ULK4: variants seen among roughly 807,000 people sequenced by gnomAD.
The protein encoded by ULK4 is inactive serine/threonine-protein kinase ULK4.
A neutral mutation model predicts 160.6 loss-of-function variants in ULK4; 133 were observed. The observed-to-expected ratio is 0.83, with a 90% CI of 0.72 to 0.96. The LOEUF (loss-of-function observed/expected upper bound fraction) is 0.96. Among genes scored for constraint, ULK4 ranks in the 40% least tolerant of loss-of-function variants. The pLI, the probability that ULK4 is intolerant of heterozygous loss-of-function variation, is 0.00. For missense variants in ULK4, 1,580 were observed against 1,499.5 expected, an observed-to-expected ratio of 1.05 and a Z score of -0.89; for synonymous variants, 534 against 539.8, an observed-to-expected ratio of 0.99 and a Z score of 0.15.
At chr3:41,247,016 A>G in intron 36 of ULK4, 24 bp from the exon 37 acceptor site, 1 of 1,611,278 alleles carries the variant, frequency 6.2e-7, no homozygotes. Context: ...CAAAGTAGGT[A>G]CACTTAATAG....
chr3:41,786,050 A>C (rs537882153), intron 21 of ULK4, among the ~76,000 whole-genome samples: 2 of 152,116 alleles, frequency 1.3e-5, no homozygotes, highest in East Asian at 3.9e-4. Flanking sequence ...CTGTTCTCCA[A>C]CCTAACCTAG....
intron 16 of ULK4, among the ~76,000 whole-genome samples, chr3:41,894,726 T>C (rs1376195321): frequency 6.6e-6 from 1 of 152,216 alleles, no homozygotes; most frequent in Non-Finnish European, 1.5e-5. Context: ...ATTAAAGTAC[T>C]TGGCCCAGAA....
intron 31 of ULK4, among the ~76,000 whole-genome samples, chr3:41,593,360 T>C (rs2031479315): frequency 1.3e-5 from 2 of 152,296 alleles, no homozygotes; most frequent in South Asian, 4.1e-4. Context: ...CAGGCAAGTT[T>C]CTACATTGTA....
intron 19 of ULK4, among the ~76,000 whole-genome samples, chr3:41,809,180 A>C (rs897757947): frequency 6.8e-6 from 1 of 147,238 alleles, no homozygotes; most frequent in Non-Finnish European, 1.5e-5. Context: ...AAAAAACAAA[A>C]AAAAAAACAA....
intron 35 of ULK4, among the ~76,000 whole-genome samples, chr3:41,300,837 TTATATATA>T (rs66602936): frequency 0.013 from 755 of 57,802 alleles, 27 homozygotes; most frequent in Admixed American, 0.058. Flanking sequence ...ATTTTACAGA[TTATATATA>T]TATATATATA....
intron 35 of ULK4, among the ~76,000 whole-genome samples, chr3:41,291,330 GAGAA>G (rs1343327909): frequency 6.7e-6 from 1 of 149,004 alleles, no homozygotes; most frequent in Non-Finnish European, 1.5e-5. Context: ...AGAAAAGAAA[GAGAA>G]AGAAGGAAGG....
chr3:41,308,735 G>C lies in ULK4; in HGVS notation c.3679-59161C>G, dbSNP rs1369617743. Among the ~76,000 whole-genome samples the C allele has an allele frequency of 2.0e-5, 3 of 152,168 alleles. No individual in the cohort carries two copies. The South Asian group carries it at 6.2e-4, about 32-fold the overall frequency. Reference sequence around the variant, plus strand: ...GAAAGTTTTTGAATGCTGACATGATGTTCAAAGGAAATGCTCATTGGAGCA... The same window carrying C: ...GAAAGTTTTTGAATGCTGACATGATCTTCAAAGGAAATGCTCATTGGAGCA... On this transcript the variant is annotated intron_variant, in intron 35 of 36. Coordinates refer to ENST00000301831, the MANE Select transcript of ULK4 (RefSeq NM_017886.4).
chr3:41,546,343 A>G (rs1191283541), intron 32 of ULK4, among the ~76,000 whole-genome samples: 2 of 152,168 alleles, frequency 1.3e-5, no homozygotes, highest in Non-Finnish European at 2.9e-5. Context: ...CCAAGGACTT[A>G]GCCCTTACTT....
At chr3:41,882,292 A>T (rs199847157) in intron 17 of ULK4, 153 of 702,836 alleles carry the variant, frequency 2.2e-4, no homozygotes, top group Non-Finnish European at 3.6e-4. Flanking sequence ...TAGTGTGGAA[A>T]GAGAAATAAA....
At chr3:41,911,178 T>G in intron 11 of ULK4, 139 bp downstream of exon 11, 1 of 815,366 alleles carries the variant, frequency 1.2e-6, no homozygotes, top group Non-Finnish European at 1.9e-6. Context: ...AACTTTGAAA[T>G]TGGAGAGTGA....
At chr3:41,657,821 A>AAAAAAAAAAAAAAAAC (rs2034998495) in intron 30 of ULK4, among the ~76,000 whole-genome samples, 1 of 145,272 alleles carries the variant, frequency 6.9e-6, no homozygotes, top group African/African-American at 2.6e-5. Context: ...ATCTCATTAA[A>AAAAAAAAAAAAAAAAC]AAAAAAAAAA....
intron 35 of ULK4, among the ~76,000 whole-genome samples, chr3:41,380,697 C>G (rs978912835): frequency 6.6e-6 from 1 of 152,070 alleles, no homozygotes; most frequent in African/African-American, 2.4e-5. Context: ...AAAGCCCAGG[C>G]CCCCCAGGTC....
At chr3:41,547,847 A>T (rs1380125105) in intron 32 of ULK4, among the ~76,000 whole-genome samples, 2 of 152,162 alleles carry the variant, frequency 1.3e-5, no homozygotes, top group African/African-American at 4.8e-5. Context: ...GCGGTGTCCT[A>T]CACCATGAAA....
chr3:41,481,330 A>G (rs918390046), intron 32 of ULK4, among the ~76,000 whole-genome samples: 2 of 152,208 alleles, frequency 1.3e-5, no homozygotes, highest in African/African-American at 4.8e-5. Context: ...CGAGGCAGAG[A>G]AACAGTGAAG....
At chr3:41,387,324 T>C (rs535280616) in intron 35 of ULK4, among the ~76,000 whole-genome samples, 2 of 152,270 alleles carry the variant, frequency 1.3e-5, no homozygotes, top group African/African-American at 4.8e-5. Context: ...CGGTATAGAA[T>C]GCTAGGACTT....
chr3:41,678,347 G>T (rs570847500), intron 29 of ULK4, among the ~76,000 whole-genome samples: 4 of 152,106 alleles, frequency 2.6e-5, no homozygotes, highest in African/African-American at 9.6e-5. Flanking sequence ...GTATTACATG[G>T]CACTTAACAA....
chr3:41,693,536 G>A (rs1054703750), intron 27 of ULK4, among the ~76,000 whole-genome samples: 1 of 152,110 alleles, frequency 6.6e-6, no homozygotes, highest in Non-Finnish European at 1.5e-5. Context: ...ATTATTAAAT[G>A]AAAAGGCAAA....
chr3:41,815,461 C>T (rs1001060598), intron 19 of ULK4, among the ~76,000 whole-genome samples: 2 of 149,744 alleles, frequency 1.3e-5, no homozygotes, highest in African/African-American at 2.4e-5. Flanking sequence ...ATGAAATATA[C>T]GATTTCACTT....
intron 17 of ULK4, among the ~76,000 whole-genome samples, chr3:41,880,567 T>C (rs973874626): frequency 6.6e-6 from 1 of 152,204 alleles, no homozygotes; most frequent in Non-Finnish European, 1.5e-5. Context: ...TACACATTAC[T>C]TTGCTGGCTC....
Sources: gnomAD v4.1 joint callset for allele counts (sites outside exome capture counted in the v4.1 genomes callset) on GRCh38, gnomAD v4.1.1 for gene constraint, MANE v1.5 for transcripts, NCBI Gene and HGNC (gene_info 2026-07-23, HGNC 2026-07-21) for gene names.